Variants in ZCCHC14 observed in about 807,000 individuals in gnomAD.
ZCCHC14 encodes the protein zinc finger CCHC-type containing 14.
Under a neutral mutation model 85.0 loss-of-function variants are expected in ZCCHC14, and 16 were observed. The observed-to-expected ratio is 0.19, with a 90% CI of 0.13 to 0.29. The LOEUF is 0.29. Ranked by LOEUF, ZCCHC14 falls within the 10% of genes least tolerant of loss-of-function variation. The pLI is 1.00. For synonymous variants in ZCCHC14, 775 were observed against 630.7 expected (o/e 1.23, Z -3.43); for missense variants, 1,303 against 1,443.5 (o/e 0.90, Z 1.58).
In ZCCHC14 at chr16:87,477,880, C is replaced by A. The variant is rs72806270; in HGVS notation, c.570+13789G>T. Among the ~76,000 whole-genome samples the A allele has an allele frequency of 8.2e-3, 1,217 of 148,108 alleles. 15 individuals are homozygous for A. The highest frequency in any genetic ancestry group is 9.6e-3 in the Non-Finnish European group (645 of 67,136). On this transcript the variant is annotated intron_variant, in intron 1 of 12. Transcript: ENST00000671377. ...CTCACCGCACACACCTGGGGAACACCGACACGCCCCCACCGCATCCCCCTG... is the reference window on the plus strand; with the variant it reads ...CTCACCGCACACACCTGGGGAACACAGACACGCCCCCACCGCATCCCCCTG...
At position 87,488,845 on chromosome 16, in the gene ZCCHC14, C is replaced by T. The variant is rs572966918; in HGVS notation, c.570+2824G>A. On this transcript the variant is annotated intron_variant, in intron 1 of 12. Coordinates refer to ENST00000671377, the MANE Select transcript of ZCCHC14 (RefSeq NM_015144.3). Reference sequence around the variant, plus strand: ...TGCCCACCTTGACCTCCCAAACTTCCGGGACTACAGGCGTAAGCCACCTTG... The same window carrying T: ...TGCCCACCTTGACCTCCCAAACTTCTGGGACTACAGGCGTAAGCCACCTTG... 5.9e-5 allele frequency among the ~76,000 whole-genome samples: 9 copies of T among 152,244 alleles called. No individual in the cohort carries two copies. In the South Asian group the frequency reaches 1.7e-3, roughly 28 times the overall value.
chr16:87,437,252 C>A (rs1045241693), intron 2 of ZCCHC14, among the ~76,000 whole-genome samples: 5 of 146,236 alleles, frequency 3.4e-5, no homozygotes, highest in Non-Finnish European at 7.4e-5. Flanking sequence ...AGGAGAATCA[C>A]TTGACCCCAG....
chr16:87,415,250 G>C, intron 9 of ZCCHC14, 26 bp downstream of exon 9: 1 of 1,608,624 alleles, frequency 6.2e-7, no homozygotes, highest in East Asian at 2.2e-5. Flanking sequence ...AATAAACACA[G>C]GTTTCAAAAC....
chr16:87,428,714 A>G (rs1471936678), intron 3 of ZCCHC14, among the ~76,000 whole-genome samples: 1 of 152,228 alleles, frequency 6.6e-6, no homozygotes, highest in East Asian at 1.9e-4. Flanking sequence ...GAAACCACTG[A>G]CTGCTTTCTG....
intron 1 of ZCCHC14, among the ~76,000 whole-genome samples, chr16:87,461,484 T>G (rs1391731294): frequency 2.0e-5 from 3 of 152,228 alleles, no homozygotes; most frequent in Non-Finnish European, 4.4e-5. Context: ...CAATGCTGCA[T>G]TCACAGTATG....
chr16:87,455,431 T>C (rs1241720788), intron 2 of ZCCHC14, among the ~76,000 whole-genome samples: 1 of 151,812 alleles, frequency 6.6e-6, no homozygotes, highest in African/African-American at 2.4e-5. Context: ...TAACTCAGAG[T>C]AGAGCCTGAA....
intron 2 of ZCCHC14, among the ~76,000 whole-genome samples, chr16:87,445,901 G>A (rs1322645012): frequency 6.6e-6 from 1 of 152,156 alleles, no homozygotes; most frequent in Non-Finnish European, 1.5e-5. Context: ...TACGCATGCT[G>A]TTTGGAAATC....
chr16:87,451,705 T>C (rs1318213552), intron 2 of ZCCHC14, among the ~76,000 whole-genome samples: 1 of 152,226 alleles, frequency 6.6e-6, no homozygotes. Context: ...GGCAGAGGGA[T>C]GCTACAGTCA....
rs1274904709 is a variant in ZCCHC14 at position 87,425,574 on chromosome 16, CA to C, written c.769-1694del. Among the ~76,000 whole-genome samples, 190 of 138,778 alleles carry C rather than the reference CA, an allele frequency of 1.4e-3. No homozygotes were observed. The Middle Eastern group carries it at 0.022, about 16-fold the overall frequency. The allele number at this position is 138,778 out of a possible 152,430, so 91.0% of individuals were successfully genotyped here. ...CTGGGCAACAAGAGCGAAACTCTAT[CA>C]AAAAAAAAAAAGAAAGAAAGAAAGA... On this transcript the variant is annotated intron_variant, in intron 3 of 12. Transcript: ENST00000671377.
chr16:87,465,433 G>A (rs1227236571), intron 1 of ZCCHC14, among the ~76,000 whole-genome samples: 1 of 152,146 alleles, frequency 6.6e-6, no homozygotes, highest in African/African-American at 2.4e-5. Context: ...CATCTACAAA[G>A]CGCTAACCCA....
chr16:87,424,377 G>A (rs1407604725), intron 3 of ZCCHC14, among the ~76,000 whole-genome samples: 1 of 152,234 alleles, frequency 6.6e-6, no homozygotes, highest in Non-Finnish European at 1.5e-5. Context: ...TGGGGACAGT[G>A]TGAGTCCATT....
intron 2 of ZCCHC14, among the ~76,000 whole-genome samples, chr16:87,443,369 T>A (rs1013737818): frequency 8.5e-5 from 13 of 152,166 alleles, no homozygotes; most frequent in Admixed American, 7.2e-4. Flanking sequence ...TTTTTATCAA[T>A]GCAGGAATTG....
chr16:87,412,319 C>G lies in ZCCHC14; in HGVS notation c.2402G>C (p.Ser801Thr). 1.2e-6 allele frequency: 2 copies of G among 1,614,056 alleles called. No individual in the cohort carries two copies. The highest frequency in any genetic ancestry group is 1.7e-6 in the Non-Finnish European group (2 of 1,180,040). ...GGGGTTTATTATTGCAGGGGGCACA[C>G]TTATTTGCACATTATTAGGACAGGA... Reference protein sequence around the residue: ...QTSCPNNVQISVPPAIINPRT... With the variant: ...QTSCPNNVQITVPPAIINPRT... Residue 801 changes from serine to threonine, a missense_variant, in exon 12 of 13, where the codon AGT (serine) becomes ACT (threonine). Coordinates refer to ENST00000671377, the MANE Select transcript of ZCCHC14 (RefSeq NM_015144.3).
At position 87,492,229 on chromosome 16, in the gene ZCCHC14, T is replaced by A; in HGVS notation, c.10A>T (p.Lys4Ter). 1.0e-6 allele frequency: 1 copy of A among 983,378 alleles called. No individual in the cohort carries two copies. The highest frequency in any genetic ancestry group is 1.2e-6 in the Non-Finnish European group (1 of 829,388). 60.9% of individuals were successfully genotyped at this position (983,378 alleles called of 1,614,324 possible). A position where few individuals can be genotyped will look rare whatever the true frequency, so the allele number is the denominator to read the frequency against. The change falls in exon 1 of 13, where the codon AAG becomes TAG. Residue 4 changes from lysine (K) to a stop codon, truncating the protein, a stop_gained. Coordinates refer to ENST00000671377, the MANE Select transcript of ZCCHC14 (RefSeq NM_015144.3). LOFTEE classifies it high-confidence loss of function. This position sits in a 1 kb window ranked among gnomAD's most constrained non-coding sequence, Gnocchi z 6.7. The part of the protein sequence containing the change: MVE[K>*]RCPLQRDGVY... ...CCGTCCCTCTGCAGCGGGCAGCGCT[T>A]CTCCACCATGCTGCCGCCCGCGCCG...
intron 1 of ZCCHC14, among the ~76,000 whole-genome samples, chr16:87,468,142 C>T (rs1911614134): frequency 6.6e-6 from 1 of 152,148 alleles, no homozygotes; most frequent in Admixed American, 6.5e-5. Context: ...TGTATGTGTT[C>T]TCTAAAGATT....
Position 87,412,289 on chromosome 16 carries a change from G to A in ZCCHC14, c.2432C>T (p.Thr811Ile), listed in dbSNP as rs1389090688. Residue 811 changes from threonine (T) to isoleucine (I), a missense_variant, in exon 12 of 13, where the codon ACT becomes ATT. By Grantham distance (89) the Thr-to-Ile change is moderately conservative (BLOSUM62 -1). This residue lies in a region of ZCCHC14 where 797 missense variants were observed against 730.8 expected (regional missense o/e 1.09). Coordinates refer to ENST00000671377, the MANE Select transcript of ZCCHC14 (RefSeq NM_015144.3). ...TTTGGTGTTGGCTGTGTACAGAGCA[G>A]TCCGGGGGTTTATTATTGCAGGGGG... ...SVPPAIINPR[T>I]ALYTANTKVA... 1 of 1,613,866 alleles carries A rather than the reference G, an allele frequency of 6.2e-7. No individual in the cohort carries two copies. The highest frequency in any genetic ancestry group is 2.2e-5 in the East Asian group (1 of 44,896).
intron 1 of ZCCHC14, among the ~76,000 whole-genome samples, chr16:87,475,744 C>T (rs1952597029): frequency 6.9e-6 from 1 of 143,952 alleles, no homozygotes; most frequent in Non-Finnish European, 1.5e-5. Context: ...GGAAAACAAT[C>T]AAACAAAGCT....
intron 1 of ZCCHC14, among the ~76,000 whole-genome samples, chr16:87,486,348 T>A (rs1419654555): frequency 6.6e-6 from 1 of 152,232 alleles, no homozygotes; most frequent in Admixed American, 6.5e-5. Context: ...CTGTACCTAT[T>A]CTGTGTTTAG....
At chr16:87,426,371 A>G (rs938526714) in intron 3 of ZCCHC14, among the ~76,000 whole-genome samples, 1 of 152,244 alleles carries the variant, frequency 6.6e-6, no homozygotes, top group African/African-American at 2.4e-5. Context: ...TCACCAAGAA[A>G]AAGTGTTGCC....
Sources: allele counts gnomAD v4.1 joint callset (sites outside exome capture counted in the v4.1 genomes callset), GRCh38; gene constraint gnomAD v4.1.1; regional missense constraint gnomAD v4.1.1; non-coding constraint Gnocchi (gnomAD v3.1); transcripts MANE v1.5; gene names NCBI Gene and HGNC (gene_info 2026-07-23, HGNC 2026-07-21).